Variants in KAZN observed in about 807,000 individuals in gnomAD.
KAZN encodes the protein kazrin.
KAZN carries 40 observed loss-of-function variants against 87.4 expected under a neutral mutation model. The ratio of observed to expected loss-of-function variants is 0.46; its 90% CI spans 0.36 to 0.60. The LOEUF (loss-of-function observed/expected upper bound fraction) is 0.60. KAZN is among the 20% of genes least tolerant of loss of function. The pLI is 0.00. For synonymous variants in KAZN, 466 were observed against 458.3 expected, an observed-to-expected ratio of 1.02 and a Z score of -0.22; for missense variants, 898 against 1,073.9, an observed-to-expected ratio of 0.84 and a Z score of 2.29.
At chr1:14,819,584 G>C (rs2871739) in intron 1 of KAZN, among the ~76,000 whole-genome samples, 15 of 151,494 alleles carry the variant, frequency 9.9e-5, no homozygotes, top group Admixed American at 2.6e-4. Context: ...CTGCCAAAGT[G>C]CCCTACAGAT....
rs1484196933 is a variant in KAZN, at chr1:14,697,154, A to G, written c.226+97931A>G. On this transcript the variant is annotated intron_variant, in intron 1 of 14. Transcript: ENST00000376030. ...AAACAAACCAACAAAAAAAAAAAAAAAAAGAAAAGAAAAGAAAAGAAATAA... is the reference window on the plus strand; with the variant it reads ...AAACAAACCAACAAAAAAAAAAAAAGAAAGAAAAGAAAAGAAAAGAAATAA... Among the ~76,000 whole-genome samples the G allele has an allele frequency of 1.4e-4, 18 of 124,736 alleles. No individual in the cohort carries two copies. In the South Asian group the frequency reaches 3.9e-3, roughly 27 times the overall value. The allele number at this position is 124,736 out of a possible 152,430, so 81.8% of individuals were successfully genotyped here.
chr1:14,328,846 C>T (rs1160967325), intron 2 of KAZN, among the ~76,000 whole-genome samples: 1 of 150,684 alleles, frequency 6.6e-6, no homozygotes, highest in African/African-American at 2.4e-5. Flanking sequence ...TATGACTGTA[C>T]CTCCTTAGAT....
intron 2 of KAZN, among the ~76,000 whole-genome samples, chr1:14,453,556 C>A (rs955213198): frequency 6.6e-6 from 1 of 152,140 alleles, no homozygotes; most frequent in African/African-American, 2.4e-5. Flanking sequence ...GTCTATCTGC[C>A]CAGGCATGGT....
intron 2 of KAZN, among the ~76,000 whole-genome samples, chr1:14,383,631 T>A (rs558307346): frequency 6.6e-6 from 1 of 152,178 alleles, no homozygotes; most frequent in African/African-American, 2.4e-5. Context: ...GTTGTAGATA[T>A]GCGGCATTAT....
chr1:14,178,249 C>T (rs955721343), intron 1 of KAZN, among the ~76,000 whole-genome samples: 16 of 152,218 alleles, frequency 1.1e-4, no homozygotes, highest in Non-Finnish European at 5.9e-5. Context: ...ATTACCCAGT[C>T]TCTCCGATGT....
intron 2 of KAZN, among the ~76,000 whole-genome samples, chr1:14,440,614 C>T (rs1306922593): frequency 6.6e-6 from 1 of 152,138 alleles, no homozygotes; most frequent in Non-Finnish European, 1.5e-5. Context: ...TTAGAACTGG[C>T]TACATAATTT....
At chr1:14,232,788 C>T (rs768904214) in intron 2 of KAZN, among the ~76,000 whole-genome samples, 9 of 151,948 alleles carry the variant, frequency 5.9e-5, no homozygotes, top group Admixed American at 2.0e-4. Context: ...CATAAAACAA[C>T]GGGCATTTTA....
chr1:14,157,131 G>T (rs917987499), intron 1 of KAZN, among the ~76,000 whole-genome samples: 2 of 152,032 alleles, frequency 1.3e-5, no homozygotes, highest in Non-Finnish European at 2.9e-5. Flanking sequence ...AGAACTCTAT[G>T]CTTTAACTTC....
intron 1 of KAZN, among the ~76,000 whole-genome samples, chr1:14,632,227 T>C (rs569188747): frequency 6.6e-6 from 1 of 152,320 alleles, no homozygotes; most frequent in Admixed American, 6.5e-5. Flanking sequence ...ACAATAATTT[T>C]ATCAGTCAAA....
intron 1 of KAZN, among the ~76,000 whole-genome samples, chr1:14,888,412 G>T (rs1014063884): frequency 3.9e-5 from 6 of 152,178 alleles, no homozygotes; most frequent in Non-Finnish European, 7.3e-5. Context: ...GACCCACGAG[G>T]TCAGGTAGGA....
chr1:14,161,804 A>G (rs1570907495), intron 1 of KAZN, among the ~76,000 whole-genome samples: 1 of 152,224 alleles, frequency 6.6e-6, no homozygotes, highest in South Asian at 2.1e-4. Flanking sequence ...TCATCCAGTT[A>G]TCACAAACTC....
chr1:15,032,455 G>A (rs189951930), intron 2 of KAZN, among the ~76,000 whole-genome samples: 17 of 151,842 alleles, frequency 1.1e-4, no homozygotes, highest in Admixed American at 1.1e-3. Context: ...GCCTCCCAAA[G>A]TGCTGGAATT....
chr1:14,237,992 T>C (rs1648582254), intron 2 of KAZN, among the ~76,000 whole-genome samples: 1 of 152,234 alleles, frequency 6.6e-6, no homozygotes, highest in Non-Finnish European at 1.5e-5. Context: ...AAGTTAAGGC[T>C]ATACATTTCT....
At chr1:14,553,403 A>C (rs1231887626) in intron 2 of KAZN, among the ~76,000 whole-genome samples, 5 of 152,184 alleles carry the variant, frequency 3.3e-5, no homozygotes, top group African/African-American at 4.8e-5. Context: ...CCTGATTCTT[A>C]AATCTTGGTA....
intron 1 of KAZN, among the ~76,000 whole-genome samples, chr1:13,934,011 A>G (rs1640627426): frequency 6.6e-6 from 1 of 152,254 alleles, no homozygotes; most frequent in African/African-American, 2.4e-5. Context: ...GAAAAGAAAG[A>G]CAAGATTACC....
intron 2 of KAZN, among the ~76,000 whole-genome samples, chr1:14,584,439 A>G (rs1017208745): frequency 5.3e-5 from 8 of 152,186 alleles, no homozygotes; most frequent in African/African-American, 1.7e-4. Context: ...GCAAGAAGGC[A>G]TTGCTGGAGC....
chr1:15,088,406 G>C (rs1165434895), intron 8 of KAZN, among the ~76,000 whole-genome samples: 2 of 152,078 alleles, frequency 1.3e-5, no homozygotes, highest in African/African-American at 2.4e-5. Flanking sequence ...CATATGTGTT[G>C]GGGTGGGTGG....
chr1:14,793,022 T>C (rs1306829256), intron 1 of KAZN, among the ~76,000 whole-genome samples: 5 of 151,086 alleles, frequency 3.3e-5, no homozygotes, highest in Non-Finnish European at 5.9e-5. Flanking sequence ...GGACTGCATT[T>C]GGGAAAGCAG....
At chr1:14,912,657 A>G (rs958504289) in intron 1 of KAZN, among the ~76,000 whole-genome samples, 3 of 152,208 alleles carry the variant, frequency 2.0e-5, no homozygotes, top group African/African-American at 7.2e-5. Flanking sequence ...CTGGGATTAT[A>G]GATGTGAACC....
Sources: gnomAD v4.1 joint callset for allele counts (sites outside exome capture counted in the v4.1 genomes callset) on GRCh38, gnomAD v4.1.1 for gene constraint, MANE v1.5 for transcripts, NCBI Gene and HGNC (gene_info 2026-07-23, HGNC 2026-07-21) for gene names.